The following MAGI2 variants were observed in gnomAD, a reference collection of about 807,000 sequenced individuals.
MAGI2 encodes the protein membrane associated guanylate kinase, WW and PDZ domain containing 2.
In MAGI2, 35 loss-of-function variants were observed where a neutral mutation model predicts 133.3. The observed-to-expected ratio is 0.26, with a 90% confidence interval of 0.20 to 0.35. The LOEUF (loss-of-function observed/expected upper bound fraction) is 0.35. Ranked by LOEUF, MAGI2 falls within the 10% of genes least tolerant of loss-of-function variation. MAGI2 has a pLI of 1.00. For synonymous variants in MAGI2, 729 were observed against 710.6 expected (o/e 1.03, Z -0.41); for missense variants, 1,636 against 1,863.4 (o/e 0.88, Z 2.25).
At chr7:78,914,750 T>G (rs563345569) in intron 2 of MAGI2, among the ~76,000 whole-genome samples, 2 of 152,202 alleles carry the variant, frequency 1.3e-5, no homozygotes, top group Admixed American at 6.5e-5. Flanking sequence ...TGAAAACAAC[T>G]GGACAAATAC....
intron 1 of MAGI2, among the ~76,000 whole-genome samples, chr7:79,161,176 G>T (rs1384137389): frequency 6.6e-6 from 1 of 152,024 alleles, no homozygotes; most frequent in Non-Finnish European, 1.5e-5. Context: ...AATGGGTAAT[G>T]CATCTGACTG....
chr7:79,320,501 C>A (rs1219727879), intron 1 of MAGI2, among the ~76,000 whole-genome samples: 1 of 151,880 alleles, frequency 6.6e-6, no homozygotes, highest in African/African-American at 2.4e-5. Flanking sequence ...TTTTAGATTT[C>A]TTGTGTGACC....
Position 79,418,674 on chromosome 7 carries a change from C to G in MAGI2, c.301+34346G>C, listed in dbSNP as rs139822014. 4.4e-4 allele frequency among the ~76,000 whole-genome samples: 67 copies of G among 151,922 alleles called. No individual in the cohort carries two copies. The East Asian group carries it at 0.012, about 28-fold the overall frequency. On this transcript the variant is annotated intron_variant, in intron 1 of 21. Transcript: ENST00000354212. ...GAAGAAGGCTGACTAGAACAATGAC[C>G]CACTGAACCCCATTTAACTTTATGC...
intron 2 of MAGI2, among the ~76,000 whole-genome samples, chr7:78,775,470 G>A (rs914372908): frequency 2.0e-5 from 3 of 151,388 alleles, no homozygotes; most frequent in African/African-American, 7.3e-5. Context: ...CCAACTGAGA[G>A]ACCTATTATC....
At chr7:78,703,662 A>AT (rs1818303540) in intron 2 of MAGI2, among the ~76,000 whole-genome samples, 1 of 152,058 alleles carries the variant, frequency 6.6e-6, no homozygotes, top group South Asian at 2.1e-4. Flanking sequence ...GGTAAAACAA[A>AT]TGCATAAACT....
intron 2 of MAGI2, among the ~76,000 whole-genome samples, chr7:78,675,248 C>CTGT (rs57947329): frequency 0.18 from 27,362 of 150,540 alleles, 2,728 homozygotes; most frequent in East Asian, 0.41. Flanking sequence ...TTATGGGTTG[C>CTGT]TGTTGTTGTT....
intron 9 of MAGI2, among the ~76,000 whole-genome samples, chr7:78,283,312 C>A (rs889531778): frequency 6.6e-6 from 1 of 152,060 alleles, no homozygotes; most frequent in African/African-American, 2.4e-5. Context: ...ACATGTTATT[C>A]TGTATGACAG....
chr7:78,974,647 G>GGAATT (rs890079914), intron 2 of MAGI2, among the ~76,000 whole-genome samples: 7 of 151,458 alleles, frequency 4.6e-5, no homozygotes, highest in African/African-American at 1.5e-4. Flanking sequence ...ATGTCTTCTG[G>GGAATT]GAATTTAGAA....
At chr7:78,458,605 T>C (rs984045479) in intron 6 of MAGI2, among the ~76,000 whole-genome samples, 10 of 151,292 alleles carry the variant, frequency 6.6e-5, no homozygotes, top group African/African-American at 2.4e-4. Context: ...AAGGTAAAGG[T>C]AAATCATCTT....
chr7:78,993,849 T>TA lies in MAGI2; in HGVS notation c.418+13240dup, dbSNP rs5885105. 4.0e-3 allele frequency among the ~76,000 whole-genome samples: 605 copies of TA among 151,130 alleles called. 2 individuals carry two copies. Among genetic ancestry groups the TA allele is most frequent in the East Asian group, 0.013 (69 of 5,158 alleles). On this transcript the variant is annotated intron_variant, in intron 2 of 21. Coordinates refer to ENST00000354212, the MANE Select transcript of MAGI2 (RefSeq NM_012301.4). ...AAATAATCTTTGACATTGAAAGCAA[T>TA]AAAAAAAAATAAGAGCTTCGCAGAA...
intron 10 of MAGI2, among the ~76,000 whole-genome samples, chr7:78,230,302 G>A (rs541276730): frequency 1.3e-5 from 2 of 152,304 alleles, no homozygotes; most frequent in South Asian, 4.1e-4. Flanking sequence ...GGTGTACAGA[G>A]TTATTTTTAT....
chr7:79,027,200 A>G (rs1809982748), intron 1 of MAGI2, among the ~76,000 whole-genome samples: 1 of 152,110 alleles, frequency 6.6e-6, no homozygotes, highest in Admixed American at 6.6e-5. Flanking sequence ...GGTATTACTC[A>G]AAGATTTGAA....
chr7:78,269,437 C>T (rs1039313476), intron 9 of MAGI2, among the ~76,000 whole-genome samples: 3 of 152,348 alleles, frequency 2.0e-5, no homozygotes, highest in South Asian at 2.1e-4. Context: ...ACATCCTCTC[C>T]AGCATCTGTT....
At chr7:78,618,393 G>A (rs1807336534) in intron 3 of MAGI2, 1 of 150,956 alleles carries the variant, frequency 6.6e-6, no homozygotes, top group Non-Finnish European at 1.5e-5. Context: ...ATTAAATTAT[G>A]ATATATTATC....
chr7:78,272,575 A>G (rs945877951), intron 9 of MAGI2, among the ~76,000 whole-genome samples: 1 of 152,108 alleles, frequency 6.6e-6, no homozygotes, highest in African/African-American at 2.4e-5. Context: ...GTGAGAGTCT[A>G]AGTCTCTTTC....
At chr7:78,443,773 T>C (rs1438523170) in intron 6 of MAGI2, among the ~76,000 whole-genome samples, 5 of 152,132 alleles carry the variant, frequency 3.3e-5, no homozygotes, top group Non-Finnish European at 7.4e-5. Flanking sequence ...CAGTCAAGAA[T>C]TATTTGAGTT....
chr7:79,127,432 C>T (rs1820524168), intron 1 of MAGI2, among the ~76,000 whole-genome samples: 2 of 151,978 alleles, frequency 1.3e-5, no homozygotes, highest in Admixed American at 1.3e-4. Flanking sequence ...TAAAAGTGTT[C>T]CTATTTCTCC....
rs1403431248 is a variant in MAGI2, at chr7:79,382,803, C to A, written c.301+70217G>T. 2.1e-5 allele frequency among the ~76,000 whole-genome samples: 3 copies of A among 146,068 alleles called. No individual in the cohort carries two copies. In the East Asian group the frequency reaches 6.3e-4, roughly 30 times the overall value. ...CAATGCATGAGTGTAGAACTCTGGT[C>A]AAATTGCTGACCCCTTGAACCTTAG... On this transcript the variant is annotated intron_variant, in intron 1 of 21. Coordinates refer to ENST00000354212, the MANE Select transcript of MAGI2 (RefSeq NM_012301.4).
At chr7:78,853,349 T>C (rs1352044299) in intron 2 of MAGI2, among the ~76,000 whole-genome samples, 2 of 93,366 alleles carry the variant, frequency 2.1e-5, no homozygotes, top group African/African-American at 8.2e-5. Context: ...TTTTTTTTTT[T>C]TTTTTTTTTT....
Sources: gnomAD v4.1 joint callset for allele counts (sites outside exome capture counted in the v4.1 genomes callset) on GRCh38, gnomAD v4.1.1 for gene constraint, MANE v1.5 for transcripts, NCBI Gene and HGNC (gene_info 2026-07-23, HGNC 2026-07-21) for gene names.